The following SLC39A11 variants were observed in gnomAD, a reference collection of about 807,000 sequenced individuals.
SLC39A11 encodes the protein zinc transporter ZIP11.
A neutral mutation model predicts 36.1 loss-of-function variants in SLC39A11; 33 were observed. The observed-to-expected ratio is 0.91, with a 90% confidence interval of 0.69 to 1.22. The LOEUF (loss-of-function observed/expected upper bound fraction) is 1.22, where lower values mean the gene tolerates loss of function less well. SLC39A11 is among the 50% of genes most tolerant of loss of function. The pLI is 0.00. For missense variants in SLC39A11, 432 were observed against 430.3 expected, an observed-to-expected ratio of 1.00 and a Z score of -0.03; for synonymous variants, 166 against 170.3, an observed-to-expected ratio of 0.97 and a Z score of 0.20.
At chr17:73,043,171 C>T (rs2059165343) in intron 3 of SLC39A11, among the ~76,000 whole-genome samples, 1 of 152,126 alleles carries the variant, frequency 6.6e-6, no homozygotes, top group South Asian at 2.1e-4. Context: ...CTCTGGAAGG[C>T]TGGACACAAT....
At chr17:72,989,756 T>C (rs2089036667) in intron 4 of SLC39A11, among the ~76,000 whole-genome samples, 1 of 152,220 alleles carries the variant, frequency 6.6e-6, no homozygotes, top group African/African-American at 2.4e-5. Context: ...ATCTTGAAAA[T>C]GAAACAGATC....
chr17:73,010,426 C>T (rs115171914), intron 4 of SLC39A11, among the ~76,000 whole-genome samples: 1 of 152,150 alleles, frequency 6.6e-6, no homozygotes, highest in Admixed American at 6.5e-5. Flanking sequence ...AACCCAGTAA[C>T]TAAACAAAAG....
intron 7 of SLC39A11, among the ~76,000 whole-genome samples, chr17:72,653,315 G>A (rs71377867): frequency 0.095 from 14,364 of 151,446 alleles, 722 homozygotes; most frequent in African/African-American, 0.11. Flanking sequence ...CAGAATATTA[G>A]CCAGGCTGGT....
intron 4 of SLC39A11, among the ~76,000 whole-genome samples, chr17:73,002,150 T>C (rs1253905827): frequency 6.6e-6 from 1 of 151,976 alleles, no homozygotes; most frequent in Non-Finnish European, 1.5e-5. Flanking sequence ...GAAAGAAAAA[T>C]ATGCTGTCAA....
At chr17:73,026,200 G>GAAGAGAAGAGAAGAGAAGAGAAGA (rs1555683108) in intron 4 of SLC39A11, among the ~76,000 whole-genome samples, 20,999 of 126,890 alleles carry the variant, frequency 0.17, 4,491 homozygotes, top group East Asian at 0.17. Context: ...AGAAGAGAAG[G>GAAGAGAAGAGAAGAGAAGAGAAGA]GAAGAGAAGA....
chr17:72,973,175 C>G (rs561298958), intron 4 of SLC39A11, among the ~76,000 whole-genome samples: 1 of 151,836 alleles, frequency 6.6e-6, no homozygotes, highest in Non-Finnish European at 1.5e-5. Flanking sequence ...AAAGTTGGCT[C>G]AAACAACTAG....
At chr17:72,818,196 T>C (rs2077646030) in intron 6 of SLC39A11, among the ~76,000 whole-genome samples, 1 of 152,296 alleles carries the variant, frequency 6.6e-6, no homozygotes. Context: ...GCAGTTTATA[T>C]CACCTGTGTC....
intron 4 of SLC39A11, among the ~76,000 whole-genome samples, chr17:72,974,162 G>A (rs1434712528): frequency 2.6e-5 from 4 of 152,014 alleles, no homozygotes; most frequent in African/African-American, 9.7e-5. Context: ...GTGCAGTGGC[G>A]CGATCTGGCT....
At chr17:72,949,712 G>A (rs2085724212) in intron 4 of SLC39A11, among the ~76,000 whole-genome samples, 1 of 151,790 alleles carries the variant, frequency 6.6e-6, no homozygotes, top group Non-Finnish European at 1.5e-5. Context: ...TGGCAGTTAG[G>A]ATCTCAACAT....
chr17:72,929,468 G>A (rs1196186120), intron 5 of SLC39A11, among the ~76,000 whole-genome samples: 1 of 152,106 alleles, frequency 6.6e-6, no homozygotes, highest in Non-Finnish European at 1.5e-5. Flanking sequence ...GACAGGCCAG[G>A]GGTCATCATG....
intron 4 of SLC39A11, among the ~76,000 whole-genome samples, chr17:73,015,644 C>T (rs1265927489): frequency 6.6e-6 from 1 of 152,068 alleles, no homozygotes; most frequent in African/African-American, 2.4e-5. Context: ...AGTGCAGTGG[C>T]GCGATCTTGG....
At chr17:72,975,499 A>G (rs9916506) in intron 4 of SLC39A11, among the ~76,000 whole-genome samples, 141,756 of 152,102 alleles carry the variant, frequency 0.93, 66,374 homozygotes, top group Non-Finnish European at 0.98. Flanking sequence ...GAGCTGCCTC[A>G]CCCCTTCCGC....
At position 72,748,276 on chromosome 17, in the gene SLC39A11, C is replaced by T. The variant is rs543231626; in HGVS notation, c.602-11557G>A. 2.6e-5 allele frequency among the ~76,000 whole-genome samples: 4 copies of T among 151,036 alleles called. No homozygotes were observed. The South Asian group carries it at 8.4e-4, about 32-fold the overall frequency. ...GGTGGAGGTTGCAGTGAGCCGAGAT[C>T]GCGCCATTGCCCTCCAGCCTGGGCA... On this transcript the variant is annotated intron_variant, in intron 6 of 9. Transcript: ENST00000255559.
intron 5 of SLC39A11, among the ~76,000 whole-genome samples, chr17:72,882,044 C>T (rs2081217510): frequency 6.6e-6 from 1 of 152,110 alleles, no homozygotes. Flanking sequence ...TTCTGGGGAA[C>T]CAATTAAAAC....
intron 5 of SLC39A11, among the ~76,000 whole-genome samples, chr17:72,878,318 G>A (rs575848048): frequency 1.3e-5 from 2 of 152,268 alleles, no homozygotes; most frequent in East Asian, 3.9e-4. Flanking sequence ...AAGGGTATCT[G>A]GATGTTTCAC....
intron 7 of SLC39A11, among the ~76,000 whole-genome samples, chr17:72,736,448 G>A (rs1393098661): frequency 6.6e-6 from 1 of 152,160 alleles, no homozygotes; most frequent in African/African-American, 2.4e-5. Context: ...CCACTTAATA[G>A]CTCAGTTGAA....
intron 7 of SLC39A11, among the ~76,000 whole-genome samples, chr17:72,683,201 G>T (rs1387127602): frequency 6.6e-6 from 1 of 152,126 alleles, no homozygotes; most frequent in Non-Finnish European, 1.5e-5. Flanking sequence ...GTTCTCAATA[G>T]ATCCTCTATG....
At chr17:72,659,601 G>T (rs2070318217) in intron 7 of SLC39A11, among the ~76,000 whole-genome samples, 1 of 27,666 alleles carries the variant, frequency 3.6e-5, no homozygotes, top group Admixed American at 5.1e-4. Flanking sequence ...TTTTTTTTTG[G>T]AGACAGAGTC....
chr17:72,789,135 A>G (rs2076613928), intron 6 of SLC39A11, among the ~76,000 whole-genome samples: 2 of 151,876 alleles, frequency 1.3e-5, no homozygotes, highest in African/African-American at 4.8e-5. Context: ...CCCGGGTCCA[A>G]GCGATTCTCC....
Sources: gnomAD v4.1 joint callset for allele counts (sites outside exome capture counted in the v4.1 genomes callset) on GRCh38, gnomAD v4.1.1 for gene constraint, MANE v1.5 for transcripts, NCBI Gene and HGNC (gene_info 2026-07-23, HGNC 2026-07-21) for gene names.